Variants in EYS observed in about 807,000 individuals in gnomAD.
The protein encoded by EYS is EGF-like photoreceptor maintenance factor.
EYS carries 250 observed loss-of-function variants against 282.1 expected under a neutral mutation model. The ratio of observed to expected loss-of-function variants is 0.89; its 90% CI spans 0.80 to 0.98. EYS has a LOEUF of 0.98. Among genes scored for constraint, EYS ranks in the 50% least tolerant of loss-of-function variants. The pLI is 0.00. For missense variants in EYS, 4,016 were observed against 3,709.0 expected (o/e 1.08, Z -2.15); for synonymous variants, 1,355 against 1,282.9 (o/e 1.06, Z -1.20).
intron 26 of EYS, among the ~76,000 whole-genome samples, chr6:64,499,333 A>G (rs932591323): frequency 1.3e-5 from 2 of 152,172 alleles, no homozygotes; most frequent in African/African-American, 4.8e-5. Context: ...GGCTTTTCAC[A>G]TATTAATTCA....
chr6:64,626,754 CAAAT>C (rs1192849430), intron 22 of EYS, among the ~76,000 whole-genome samples: 1 of 152,116 alleles, frequency 6.6e-6, no homozygotes, highest in East Asian at 1.9e-4. Context: ...CAACTATGAA[CAAAT>C]AAATTTCTGT....
At chr6:64,641,586 T>C (rs1222264881) in intron 22 of EYS, among the ~76,000 whole-genome samples, 1 of 152,122 alleles carries the variant, frequency 6.6e-6, no homozygotes, top group Non-Finnish European at 1.5e-5. Context: ...TGGGGGTGAA[T>C]TTCACTTTGA....
intron 33 of EYS, among the ~76,000 whole-genome samples, chr6:64,033,279 G>A (rs770498960): frequency 2.2e-4 from 34 of 152,162 alleles, no homozygotes; most frequent in African/African-American, 7.0e-4. Context: ...CCTACTCATC[G>A]TAAGTCTACT....
chr6:63,975,985 T>C (rs1288935728), intron 35 of EYS, among the ~76,000 whole-genome samples: 1 of 152,044 alleles, frequency 6.6e-6, no homozygotes, highest in African/African-American at 2.4e-5. Context: ...TGAGCTATAA[T>C]ACAGATCTGT....
chr6:64,050,273 C>T (rs989707797), intron 33 of EYS, among the ~76,000 whole-genome samples: 1 of 152,106 alleles, frequency 6.6e-6, no homozygotes, highest in African/African-American at 2.4e-5. Context: ...ATCCCTCCCA[C>T]CCCCTGCCAT....
chr6:65,441,661 G>A (rs1397529453), intron 5 of EYS, among the ~76,000 whole-genome samples: 1 of 151,982 alleles, frequency 6.6e-6, no homozygotes, highest in African/African-American at 2.4e-5. Flanking sequence ...ATGTGCTAAG[G>A]AAATAGGTAA....
chr6:63,731,634 T>C (rs1561999363), intron 41 of EYS, among the ~76,000 whole-genome samples: 3 of 152,142 alleles, frequency 2.0e-5, no homozygotes, highest in Non-Finnish European at 4.4e-5. Context: ...GCATTCTATA[T>C]TTTTTTACCA....
Position 64,314,194 on chromosome 6 carries a change from C to CAAAAAAA in EYS, c.6079-7119_6079-7113dup, listed in dbSNP as rs138447983. Among the ~76,000 whole-genome samples, 249 of 27,656 alleles carry CAAAAAAA rather than the reference C, an allele frequency of 9.0e-3. 35 individuals are homozygous for CAAAAAAA. Among genetic ancestry groups the CAAAAAAA allele is most frequent in the African/African-American group, 0.015 (95 of 6,478 alleles). 18.1% of individuals were successfully genotyped at this position (27,656 alleles called of 152,430 possible). On this transcript the variant is annotated intron_variant, in intron 29 of 42. Transcript: ENST00000503581. Reference sequence around the variant, plus strand: ...GAAGATTTACTAAACAAATGGAAAGCAAAAAAAAAAAAAAAAAAAAAAAAG... The same window carrying CAAAAAAA: ...GAAGATTTACTAAACAAATGGAAAGCAAAAAAAAAAAAAAAAAAAAAAAAAAAAAAAG...
At chr6:65,314,608 G>GTGTGTGTGTT (rs1769251854) in intron 11 of EYS, among the ~76,000 whole-genome samples, 1 of 132,966 alleles carries the variant, frequency 7.5e-6, no homozygotes, top group African/African-American at 2.9e-5. Context: ...GTGTGTGTGT[G>GTGTGTGTGTT]TTTTCCAGCT....
chr6:65,384,482 A>G lies in EYS; in HGVS notation c.1203T>C (p.Thr401=), dbSNP rs367639489. ...CAATTGCTTTCTCACAGTTTTTTTC[A>G]GTAAATCCTGATATACAGCTGTAAA... The part of the protein sequence containing the change: ...DYPCSCISGF[T]EKNCEKAIDH... Residue 401 remains threonine (T), a synonymous_variant, in exon 8 of 43, where the codon ACT becomes ACC. Coordinates refer to ENST00000503581, the MANE Select transcript of EYS (RefSeq NM_001142800.2). 10 of 1,593,570 alleles carry G rather than the reference A, an allele frequency of 6.3e-6. No homozygotes were observed. The highest frequency in any genetic ancestry group is 1.7e-5 in the Admixed American group (1 of 59,680).
At chr6:65,182,904 C>A (rs954532990) in intron 12 of EYS, among the ~76,000 whole-genome samples, 10 of 151,806 alleles carry the variant, frequency 6.6e-5, no homozygotes, top group African/African-American at 2.2e-4. Context: ...TCCTCCCACC[C>A]CAGCCTCTTA....
chr6:65,222,236 G>C (rs1239674161), intron 12 of EYS, among the ~76,000 whole-genome samples: 5 of 152,132 alleles, frequency 3.3e-5, no homozygotes. Flanking sequence ...GAGGCAGACT[G>C]ATATGGTTTG....
intron 10 of EYS, among the ~76,000 whole-genome samples, chr6:65,338,265 G>A (rs1770064144): frequency 6.7e-6 from 1 of 148,590 alleles, no homozygotes; most frequent in Non-Finnish European, 1.5e-5. Flanking sequence ...TAGAATTTTG[G>A]TTTTCTATAA....
At chr6:64,018,234 G>A (rs981973782) in intron 33 of EYS, among the ~76,000 whole-genome samples, 2 of 152,060 alleles carry the variant, frequency 1.3e-5, no homozygotes, top group African/African-American at 2.4e-5. Context: ...ATTTGAAAAC[G>A]TAAATTAACA....
chr6:64,590,681 T>C lies in EYS; in HGVS notation c.5186A>G (p.Lys1729Arg). The change falls in exon 26 of 43, where the codon AAA becomes AGA. Residue 1729 changes from lysine (K) to arginine (R), a missense_variant. By Grantham distance (26) the Lys-to-Arg change is conservative. Transcript: ENST00000503581. ...QESLLDMEKS[K>R]GSHTLFKLHP... ...AAGTTTGAACAGTGTATGAGATCCT[T>C]TACTTTTTTCCATGTCCAATAAGCT... 1 of 1,551,264 alleles carries C rather than the reference T, an allele frequency of 6.4e-7. No individual in the cohort carries two copies. Among genetic ancestry groups the C allele is most frequent in the Non-Finnish European group, 8.7e-7 (1 of 1,146,718 alleles).
chr6:64,072,562 A>T (rs1407703008), intron 32 of EYS, among the ~76,000 whole-genome samples: 3 of 151,872 alleles, frequency 2.0e-5, no homozygotes, highest in African/African-American at 7.3e-5. Flanking sequence ...TTAGAAACAC[A>T]AAACTGCACC....
At chr6:65,363,603 G>A (rs1220524551) in intron 8 of EYS, among the ~76,000 whole-genome samples, 1 of 151,544 alleles carries the variant, frequency 6.6e-6, no homozygotes, top group Non-Finnish European at 1.5e-5. Flanking sequence ...CAGGCTAAAA[G>A]TGACTTTAAT....
intron 35 of EYS, among the ~76,000 whole-genome samples, chr6:63,966,858 G>C (rs975896078): frequency 6.6e-6 from 1 of 152,124 alleles, no homozygotes; most frequent in Non-Finnish European, 1.5e-5. Flanking sequence ...GGGTTTATCT[G>C]GCAATAATAC....
chr6:64,677,923 TA>T lies in EYS; in HGVS notation c.3444-51679del, dbSNP rs369342291. Among the ~76,000 whole-genome samples, 560 of 145,660 alleles carry T rather than the reference TA, an allele frequency of 3.8e-3. 7 individuals carry two copies. Among genetic ancestry groups the T allele is most frequent in the East Asian group, 0.028 (139 of 5,018 alleles). ...ACTAGGTATACACAAAATTTAAAAG[TA>T]AAAAAAAAAATGACTATAAAGGAAT... On this transcript the variant is annotated intron_variant, in intron 22 of 42. Transcript: ENST00000503581.
Sources: gnomAD v4.1 joint callset for allele counts (sites outside exome capture counted in the v4.1 genomes callset) on GRCh38, gnomAD v4.1.1 for gene constraint, MANE v1.5 for transcripts, NCBI Gene and HGNC (gene_info 2026-07-23, HGNC 2026-07-21) for gene names.